Variants in KNTC1 observed in about 807,000 individuals in gnomAD.
KNTC1 encodes the protein kinetochore associated 1.
KNTC1 carries 253 observed loss-of-function variants against 314.4 expected under a neutral mutation model. That is an observed-to-expected ratio of 0.80 (90% CI 0.73 to 0.89). The LOEUF is 0.89. KNTC1 is among the 40% of genes least tolerant of loss of function. The pLI is 0.00. For missense variants in KNTC1, 2,475 were observed against 2,572.9 expected, an observed-to-expected ratio of 0.96 and a Z score of 0.82; for synonymous variants, 901 against 901.4, an observed-to-expected ratio of 1.00 and a Z score of 0.01.
At chr12:122,535,780 T>TAC (rs1285646725) in intron 3 of KNTC1, among the ~76,000 whole-genome samples, 1 of 151,496 alleles carries the variant, frequency 6.6e-6, no homozygotes, top group East Asian at 2.0e-4. Context: ...TATGCCACTA[T>TAC]ACTCTAGCCT....
chr12:122,608,138 G>A (rs1444811939), intron 51 of KNTC1, among the ~76,000 whole-genome samples: 2 of 152,066 alleles, frequency 1.3e-5, no homozygotes, highest in South Asian at 2.1e-4. Context: ...TTGAGATAGG[G>A]TCTCATTCAG....
intron 1 of KNTC1, chr12:122,527,732 T>C (rs1960838181): frequency 6.6e-6 from 1 of 152,312 alleles, no homozygotes; most frequent in African/African-American, 2.4e-5. Context: ...GCTTTTGCTT[T>C]GACCCGGCAG....
At chr12:122,554,076 A>ATATATATATATATATATATATATATAT (rs1555224817) in intron 16 of KNTC1, among the ~76,000 whole-genome samples, 1 of 109,048 alleles carries the variant, frequency 9.2e-6, no homozygotes, top group African/African-American at 3.9e-5. Context: ...AAAAAAAAAA[A>ATATATATATATATATATATATATATAT]ATATATATAT....
chr12:122,529,721 G>T (rs1961144525), intron 1 of KNTC1, among the ~76,000 whole-genome samples: 1 of 152,074 alleles, frequency 6.6e-6, no homozygotes, highest in South Asian at 2.1e-4. Flanking sequence ...ATGAAAACTT[G>T]GTATAATTCC....
chr12:122,538,508 A>G (rs1962031576), intron 4 of KNTC1, 54 bp downstream of exon 4: 13 of 1,006,894 alleles, frequency 1.3e-5, no homozygotes, highest in Non-Finnish European at 1.8e-5. Flanking sequence ...ATAATCTCTT[A>G]GACAACTAAA....
chr12:122,585,702 G>A lies in KNTC1; in HGVS notation c.3601G>A (p.Gly1201Arg), dbSNP rs1869173595. ...TTACAGTGACTTCTTCAGTGAAGATGGAATTGTTCTTGAGTCACAGATGGT... is the reference window on the plus strand; with the variant it reads ...TTACAGTGACTTCTTCAGTGAAGATAGAATTGTTCTTGAGTCACAGATGGT... ...WSYSDFFSED[G>R]IVLESQMVLP... Residue 1201 changes from glycine to arginine, a missense_variant, in exon 37 of 64, where the codon GGA (glycine) becomes AGA (arginine). Transcript: ENST00000333479. 2 of 1,613,524 alleles carry A rather than the reference G, an allele frequency of 1.2e-6. No individual in the cohort carries two copies. The highest frequency in any genetic ancestry group is 1.3e-5 in the African/African-American group (1 of 74,924).
At chr12:122,608,204 G>T (rs921808673) in intron 51 of KNTC1, among the ~76,000 whole-genome samples, 31 of 152,042 alleles carry the variant, frequency 2.0e-4, no homozygotes, top group African/African-American at 7.5e-4. Context: ...CCGCCTCCCC[G>T]GCTCAAGTGA....
At chr12:122,605,197 GTATA>G (rs1295956367) in intron 50 of KNTC1, 105 bp from the exon 51 acceptor site, 1 of 1,000,848 alleles carries the variant, frequency 1.0e-6, no homozygotes, top group Non-Finnish European at 1.5e-6. Flanking sequence ...GCTTATATAT[GTATA>G]TACTTATATG....
rs1034722324 is a variant in KNTC1 at position 122,626,276 on chromosome 12, A to G, written c.*48A>G. 3.1e-6 allele frequency: 4 copies of G among 1,295,660 alleles called. No individual in the cohort carries two copies. The highest frequency in any genetic ancestry group is 3.3e-6 in the Non-Finnish European group (3 of 901,528). 80.3% of individuals were successfully genotyped at this position (1,295,660 alleles called of 1,614,324 possible). ...AAGGACAAGAATTTTGGAGTCTGCTATTAATGGACCATATTTATTACAGTT... is the reference window on the plus strand; with the variant it reads ...AAGGACAAGAATTTTGGAGTCTGCTGTTAATGGACCATATTTATTACAGTT... On this transcript the variant is annotated 3_prime_UTR_variant, in exon 64 of 64. Coordinates refer to ENST00000333479, the MANE Select transcript of KNTC1 (RefSeq NM_014708.6).
At chr12:122,598,119 A>G (rs1163970885) in intron 44 of KNTC1, among the ~76,000 whole-genome samples, 181 bp downstream of exon 44, 1 of 152,256 alleles carries the variant, frequency 6.6e-6, no homozygotes, top group African/African-American at 2.4e-5. Context: ...TTTTCAAAAT[A>G]GAAATAGCTT....
At chr12:122,615,380 C>G (rs567842378) in intron 56 of KNTC1, 90 bp from the exon 57 acceptor site, 1 of 1,118,378 alleles carries the variant, frequency 8.9e-7, no homozygotes, top group Admixed American at 2.8e-5. Context: ...TTTACCAGTA[C>G]TTCTTCTGGA....
chr12:122,549,146 C>T (rs1187665140), intron 12 of KNTC1, among the ~76,000 whole-genome samples: 1 of 151,960 alleles, frequency 6.6e-6, no homozygotes, highest in Non-Finnish European at 1.5e-5. Flanking sequence ...ACCTCTTCCT[C>T]CCAGGTTCAA....
chr12:122,624,484 T>A (rs1874794040), intron 62 of KNTC1, 114 bp from the exon 63 acceptor site: 2 of 628,684 alleles, frequency 3.2e-6, no homozygotes, highest in Admixed American at 2.8e-5. Context: ...CCCAGGCTAG[T>A]CTCAAACTCC....
At chr12:122,614,661 A>G (rs988821450) in intron 55 of KNTC1, among the ~76,000 whole-genome samples, 1 of 152,102 alleles carries the variant, frequency 6.6e-6, no homozygotes, top group Admixed American at 6.6e-5. Context: ...CAGGTAGAGC[A>G]CTTCAGGTCA....
intron 57 of KNTC1, 56 bp from the exon 58 acceptor site, chr12:122,618,287 A>G (rs983797438): frequency 1.3e-6 from 2 of 1,524,282 alleles, no homozygotes; most frequent in African/African-American, 1.4e-5. Context: ...TGCAAATTAA[A>G]GAGAGTTTGT....
At chr12:122,540,476 AT>A (rs1014829888) in intron 5 of KNTC1, among the ~76,000 whole-genome samples, 3 of 151,972 alleles carry the variant, frequency 2.0e-5, no homozygotes, top group Non-Finnish European at 4.4e-5. Context: ...TTTTTTATAC[AT>A]TTTTTTCTAT....
chr12:122,560,734 C>T (rs1963914218), intron 18 of KNTC1, among the ~76,000 whole-genome samples: 1 of 152,184 alleles, frequency 6.6e-6, no homozygotes, highest in Admixed American at 6.5e-5. Flanking sequence ...TGCCATTTCA[C>T]ATTTCCAGCA....
At chr12:122,594,129 G>A (rs1016869078) in intron 42 of KNTC1, 147 bp from the exon 43 acceptor site, 7 of 597,420 alleles carry the variant, frequency 1.2e-5, no homozygotes, top group African/African-American at 1.1e-4. Flanking sequence ...TGATGGCTGG[G>A]TTGGGTAGTG....
chr12:122,590,516 C>A, intron 40 of KNTC1, 91 bp from the exon 41 acceptor site: 1 of 1,190,532 alleles, frequency 8.4e-7, no homozygotes. Context: ...TAAAATTATT[C>A]CTCTTTATTT....
Sources: allele counts gnomAD v4.1 joint callset (sites outside exome capture counted in the v4.1 genomes callset), GRCh38; gene constraint gnomAD v4.1.1; transcripts MANE v1.5; gene names NCBI Gene and HGNC (gene_info 2026-07-23, HGNC 2026-07-21).